ZBTB32: variants seen among roughly 807,000 people sequenced by gnomAD.
ZBTB32 encodes zinc finger and BTB domain-containing protein 32.
A neutral mutation model predicts 45.3 loss-of-function variants in ZBTB32; 28 were observed. The ratio of observed to expected loss-of-function variants is 0.62; its 90% CI spans 0.46 to 0.85. The LOEUF is 0.85. Ranked by LOEUF, ZBTB32 falls within the 40% of genes least tolerant of loss-of-function variation. The probability of loss-of-function intolerance (pLI) is 0.00; values close to 1 mark genes in which losing one functional copy is unlikely to be tolerated. For synonymous variants in ZBTB32, 283 were observed against 255.7 expected, an observed-to-expected ratio of 1.11 and a Z score of -1.02; for missense variants, 587 against 624.4, an observed-to-expected ratio of 0.94 and a Z score of 0.64.
Position 35,716,853 on chromosome 19 carries a change from T to C in ZBTB32, c.*101T>C. The C allele has an allele frequency of 1.4e-6, 2 of 1,431,778 alleles. No homozygotes were observed. Among genetic ancestry groups the C allele is most frequent in the Non-Finnish European group, 1.9e-6 (2 of 1,062,458 alleles). 88.7% of individuals were successfully genotyped at this position (1,431,778 alleles called of 1,614,324 possible). ...ACCGCTGCTACGGCGGCCTAGCAAA[T>C]TCCGCCCCAGAAGCGCCCCAGGAAG... is the stretch of plus-strand genomic sequence containing the variant. On this transcript the variant is annotated 3_prime_UTR_variant, in exon 7 of 7. Coordinates refer to ENST00000392197, the MANE Select transcript of ZBTB32 (RefSeq NM_014383.3).
Position 35,714,822 on chromosome 19 carries a change from A to T in ZBTB32, c.196A>T (p.Ile66Phe). 6.2e-7 allele frequency: 1 copy of T among 1,613,666 alleles called. No individual in the cohort carries two copies. The highest frequency in any genetic ancestry group is 8.5e-7 in the Non-Finnish European group (1 of 1,179,766). Residue 66 changes from isoleucine to phenylalanine, a missense_variant, in exon 3 of 7, where the codon ATC becomes TTC. Ile to Phe is a conservative substitution (Grantham distance 21, BLOSUM62 0). Coordinates refer to ENST00000392197, the MANE Select transcript of ZBTB32 (RefSeq NM_014383.3). The part of the protein sequence containing the change: ...RRGQWALGEG[I>F]SPSTFAQLLN... ...GGGCCAGTGGGCTCTGGGAGAAGGC[A>T]TCAGCCCTTCTACCTTTGCCCAGCT... is the stretch of plus-strand genomic sequence containing the variant.
chr19:35,712,478 G>A (rs1968729024), intron 1 of ZBTB32, among the ~76,000 whole-genome samples: 1 of 152,122 alleles, frequency 6.6e-6, no homozygotes, highest in African/African-American at 2.4e-5. Flanking sequence ...AAATTTGTTG[G>A]ATAAATGAAA....
In ZBTB32 at chr19:35,714,995, C is replaced by A. The variant is rs1319626336; in HGVS notation, c.369C>A (p.Gly123=). ...ACAGGGCTAAAAAGCCAGATCCAGG[C>A]CTGAAGAAACATCAGGAGGAGCCAG... ...RGDRAKKPDP[G]LKKHQEEPEK... is the part of the protein sequence containing the mutation. The change falls in exon 3 of 7, where the codon GGC becomes GGA. Residue 123 remains glycine, a synonymous_variant. Transcript: ENST00000392197. 2.1e-5 allele frequency: 33 copies of A among 1,608,472 alleles called. No homozygotes were observed. Among genetic ancestry groups the A allele is most frequent in the Non-Finnish European group, 2.6e-5 (31 of 1,177,790 alleles).
chr19:35,708,637 T>C (rs1328119467), intron 1 of ZBTB32, among the ~76,000 whole-genome samples: 1 of 152,140 alleles, frequency 6.6e-6, no homozygotes, highest in Non-Finnish European at 1.5e-5. Context: ...ATCCACAAAG[T>C]GTGTGCTATG....
chr19:35,715,689 C>A, intron 3 of ZBTB32, 68 bp from the exon 4 acceptor site: 1 of 1,526,478 alleles, frequency 6.6e-7, no homozygotes, highest in Admixed American at 2.0e-5. Flanking sequence ...TTGGGATACC[C>A]CCTCTTCACG....
chr19:35,710,342 A>T (rs918530048), intron 1 of ZBTB32, among the ~76,000 whole-genome samples: 6 of 152,180 alleles, frequency 3.9e-5, no homozygotes, highest in Admixed American at 2.6e-4. Flanking sequence ...CTGGCAGGAC[A>T]CAGGCTTGTG....
chr19:35,713,322 G>C (rs1032862567), intron 2 of ZBTB32: 2 of 152,242 alleles, frequency 1.3e-5, no homozygotes, highest in Admixed American at 6.5e-5. Flanking sequence ...CCTTCGGGGG[G>C]ACTGTGGCAG....
intron 1 of ZBTB32, among the ~76,000 whole-genome samples, chr19:35,710,774 C>T (rs935108478): frequency 1.3e-5 from 2 of 152,092 alleles, no homozygotes; most frequent in Non-Finnish European, 2.9e-5. Context: ...AAAACAGCAC[C>T]AGCAGTGTCC....
At chr19:35,712,344 C>A (rs963304817) in intron 1 of ZBTB32, among the ~76,000 whole-genome samples, 1 of 152,130 alleles carries the variant, frequency 6.6e-6, no homozygotes, top group African/African-American at 2.4e-5. Flanking sequence ...AACCTGTAGT[C>A]CCAGCTACTC....
chr19:35,709,032 C>T (rs988698617), intron 1 of ZBTB32, among the ~76,000 whole-genome samples: 4 of 152,106 alleles, frequency 2.6e-5, no homozygotes, highest in Non-Finnish European at 4.4e-5. Flanking sequence ...GTTGGTCAGG[C>T]TGGTCTTGAA....
Position 35,716,582 on chromosome 19 carries a change from C to T in ZBTB32, c.1294C>T (p.Leu432=). The T allele has an allele frequency of 5.0e-6, 8 of 1,613,268 alleles. No homozygotes were observed. Among genetic ancestry groups the T allele is most frequent in the Non-Finnish European group, 6.8e-6 (8 of 1,179,922 alleles). Residue 432 remains leucine (L), a synonymous_variant, in exon 7 of 7, where the codon CTG becomes TTG. Transcript: ENST00000392197. ...CGGGGCCGCTCCGTACCGCTGCTCC[C>T]TGTGCGGGGCCGGCTGTCCCAGCCT... is the stretch of plus-strand genomic sequence containing the variant. The part of the protein sequence containing the change: ...THGAAPYRCS[L]CGAGCPSLAS...
chr19:35,716,014 C>T lies in ZBTB32; in HGVS notation c.1024+7C>T, dbSNP rs1021628603. On this transcript the variant is annotated splice_region_variant and intron_variant, in intron 5 of 6. Coordinates refer to ENST00000392197, the MANE Select transcript of ZBTB32 (RefSeq NM_014383.3). ...TCTGATCAGGGGCACACAGGTGAGT[C>T]GGGCGGGGGCACTCGTGCCTCAGCC... The T allele has an allele frequency of 1.2e-6, 2 of 1,611,482 alleles. No homozygotes were observed.
At chr19:35,706,985 TGTG>T (rs1190626405) in intron 1 of ZBTB32, among the ~76,000 whole-genome samples, 2 of 151,818 alleles carry the variant, frequency 1.3e-5, no homozygotes, top group African/African-American at 4.8e-5. Context: ...CCCTCTATGG[TGTG>T]GTGGGGGCCC....
Position 35,714,869 on chromosome 19 carries a change from G to T in ZBTB32, c.243G>T (p.Glu81Asp). ...FAQLLNFVYG[E>D]SVELQPGELR... ...AGCTCCTGAACTTTGTGTATGGGGA[G>T]AGTGTAGAGCTGCAGCCTGGAGAGC... The change falls in exon 3 of 7, where the codon GAG becomes GAT. Residue 81 changes from glutamate to aspartate, a missense_variant. Transcript: ENST00000392197. 6.2e-7 allele frequency: 1 copy of T among 1,608,278 alleles called. No individual in the cohort carries two copies.
At position 35,715,121 on chromosome 19, in the gene ZBTB32, G is replaced by A. The variant is rs750553083; in HGVS notation, c.495G>A (p.Leu165=). The A allele has an allele frequency of 1.6e-5, 26 of 1,613,902 alleles. No homozygotes were observed. Among genetic ancestry groups the A allele is most frequent in the Non-Finnish European group, 1.8e-5 (21 of 1,180,008 alleles). ...CTGGTGGGAGAGAACAGGAGATGTTGCACAAGCACTCGCCACCAAGAGGCA... is the reference window on the plus strand; with the variant it reads ...CTGGTGGGAGAGAACAGGAGATGTTACACAAGCACTCGCCACCAAGAGGCA... The part of the protein sequence containing the change: ...SRTGGREQEM[L]HKHSPPRGRP... Residue 165 remains leucine (L), a synonymous_variant, in exon 3 of 7, where the codon TTG becomes TTA. Transcript: ENST00000392197.
intron 1 of ZBTB32, among the ~76,000 whole-genome samples, chr19:35,708,943 C>T (rs994964556): frequency 2.6e-5 from 4 of 151,800 alleles, no homozygotes; most frequent in African/African-American, 4.8e-5. Flanking sequence ...CTCAGCCTCT[C>T]GAGTAGCTGG....
At chr19:35,714,385 A>T (rs944585189) in intron 2 of ZBTB32, 138 bp from the exon 3 acceptor site, 14 of 394,928 alleles carry the variant, frequency 3.5e-5, no homozygotes, top group Middle Eastern at 6.4e-4. Context: ...TCTGATTTCC[A>T]TTCTCTCGCC....
At chr19:35,709,498 T>C (rs4806197) in intron 1 of ZBTB32, among the ~76,000 whole-genome samples, 23,500 of 152,162 alleles carry the variant, frequency 0.15, 1,970 homozygotes, top group South Asian at 0.27. Flanking sequence ...CTGGGAAGCT[T>C]TGACTTTGCA....
At chr19:35,705,626 T>G (rs1045359241) in intron 1 of ZBTB32, among the ~76,000 whole-genome samples, 37 of 151,874 alleles carry the variant, frequency 2.4e-4, no homozygotes, top group African/African-American at 8.9e-4. Context: ...GAACTGGGAT[T>G]GGGTGGCCAG....
Sources: allele counts gnomAD v4.1 joint callset (sites outside exome capture counted in the v4.1 genomes callset), GRCh38; gene constraint gnomAD v4.1.1; transcripts MANE v1.5; gene names NCBI Gene and HGNC (gene_info 2026-07-23, HGNC 2026-07-21).